The following RNF150 variants were observed in gnomAD, a reference collection of about 807,000 sequenced individuals.
RNF150 encodes the protein ring finger protein 150.
RNF150 carries 24 observed loss-of-function variants against 39.3 expected under a neutral mutation model. The observed-to-expected ratio is 0.61, with a 90% confidence interval of 0.44 to 0.86. The LOEUF (loss-of-function observed/expected upper bound fraction) is 0.86. RNF150 is among the 40% of genes least tolerant of loss of function. The probability of loss-of-function intolerance (pLI) is 0.00; values close to 1 mark genes in which losing one functional copy is unlikely to be tolerated. For missense variants in RNF150, 502 were observed against 587.8 expected, an observed-to-expected ratio of 0.85 and a Z score of 1.51; for synonymous variants, 255 against 227.3, an observed-to-expected ratio of 1.12 and a Z score of -1.10.
intron 1 of RNF150, among the ~76,000 whole-genome samples, chr4:140,968,522 C>T (rs966560744): frequency 3.3e-5 from 5 of 151,804 alleles, no homozygotes; most frequent in Admixed American, 2.0e-4. Flanking sequence ...CATGTTTCCA[C>T]TGAACCACGT....
chr4:141,054,927 T>C (rs1736912691), intron 1 of RNF150, among the ~76,000 whole-genome samples: 1 of 152,124 alleles, frequency 6.6e-6, no homozygotes, highest in South Asian at 2.1e-4. Flanking sequence ...AACAACAAAA[T>C]TGAGGTTAAA....
At chr4:141,098,351 G>A (rs1263809590) in intron 1 of RNF150, among the ~76,000 whole-genome samples, 2 of 152,210 alleles carry the variant, frequency 1.3e-5, no homozygotes, top group Admixed American at 6.5e-5. Context: ...GCTAGGGCAG[G>A]CCAGTCAGAC....
chr4:140,948,367 C>T (rs1354681511), intron 3 of RNF150, among the ~76,000 whole-genome samples: 2 of 151,994 alleles, frequency 1.3e-5, no homozygotes, highest in African/African-American at 4.8e-5. Context: ...AGAGACAATA[C>T]CTGCTTATAT....
intron 1 of RNF150, among the ~76,000 whole-genome samples, chr4:141,027,921 T>TTTTG (rs1735772938): frequency 1.7e-5 from 1 of 59,604 alleles, no homozygotes; most frequent in African/African-American, 6.8e-5. Context: ...TGTTTTTTTT[T>TTTTG]TTTTGTTTTT....
At chr4:141,092,072 A>C (rs148715735) in intron 1 of RNF150, among the ~76,000 whole-genome samples, 2 of 152,310 alleles carry the variant, frequency 1.3e-5, no homozygotes, top group East Asian at 3.9e-4. Flanking sequence ...GGCCAGGTGC[A>C]GTGGCTCATG....
intron 2 of RNF150, among the ~76,000 whole-genome samples, chr4:140,952,177 AT>A (rs543102998): frequency 1.3e-5 from 2 of 150,418 alleles, no homozygotes; most frequent in South Asian, 2.1e-4. Flanking sequence ...CGCCTGGCTG[AT>A]TTTTTTTTGT....
intron 1 of RNF150, among the ~76,000 whole-genome samples, chr4:141,045,560 T>A (rs1736543402): frequency 2.0e-5 from 3 of 152,132 alleles, no homozygotes; most frequent in African/African-American, 7.2e-5. Context: ...ATTTATTTTT[T>A]GAAACGGAGT....
At chr4:140,914,646 A>G (rs1730743320) in intron 5 of RNF150, among the ~76,000 whole-genome samples, 2 of 152,214 alleles carry the variant, frequency 1.3e-5, no homozygotes, top group Non-Finnish European at 1.5e-5. Flanking sequence ...GTATTCTGTC[A>G]TTCTATCAAG....
At chr4:140,879,944 A>G (rs906367663) in intron 6 of RNF150, among the ~76,000 whole-genome samples, 4 of 152,232 alleles carry the variant, frequency 2.6e-5, no homozygotes, top group African/African-American at 9.6e-5. Context: ...TTTTGTGAAC[A>G]GAGATAATTT....
chr4:141,128,925 C>G (rs1429889185), intron 1 of RNF150, among the ~76,000 whole-genome samples: 1 of 152,144 alleles, frequency 6.6e-6, no homozygotes, highest in African/African-American at 2.4e-5. Context: ...AATGAAGATG[C>G]CACTTCACAT....
At chr4:141,001,391 C>T (rs886173482) in intron 1 of RNF150, among the ~76,000 whole-genome samples, 1 of 151,956 alleles carries the variant, frequency 6.6e-6, no homozygotes, top group African/African-American at 2.4e-5. Flanking sequence ...TTCTCTACTC[C>T]TTTCTCTCCT....
At chr4:140,930,858 C>T (rs369964793) in intron 4 of RNF150, among the ~76,000 whole-genome samples, 1 of 152,176 alleles carries the variant, frequency 6.6e-6, no homozygotes, top group South Asian at 2.1e-4. Flanking sequence ...TAAGACAAGG[C>T]CCTGCCCTTT....
chr4:141,032,195 A>G (rs974001956), intron 1 of RNF150, among the ~76,000 whole-genome samples: 6 of 152,126 alleles, frequency 3.9e-5, no homozygotes, highest in African/African-American at 1.4e-4. Context: ...AAGGACAAAC[A>G]TTACATGACT....
chr4:140,976,743 A>G (rs1733678312), intron 1 of RNF150, among the ~76,000 whole-genome samples: 1 of 151,850 alleles, frequency 6.6e-6, no homozygotes, highest in Admixed American at 6.6e-5. Context: ...TTCTTAAAAT[A>G]CCCTTAGCTC....
chr4:141,046,944 C>T (rs570623043), intron 1 of RNF150, among the ~76,000 whole-genome samples: 10 of 152,128 alleles, frequency 6.6e-5, no homozygotes, highest in African/African-American at 2.2e-4. Context: ...ACTCCCTCCC[C>T]GACACACCAA....
At chr4:141,068,472 T>C (rs963900178) in intron 1 of RNF150, among the ~76,000 whole-genome samples, 9 of 152,156 alleles carry the variant, frequency 5.9e-5, no homozygotes, top group Non-Finnish European at 1.2e-4. Flanking sequence ...CCTTGTAGTA[T>C]AGTTTGAAGT....
intron 4 of RNF150, among the ~76,000 whole-genome samples, chr4:140,935,388 G>A (rs982435363): frequency 4.6e-5 from 7 of 151,928 alleles, no homozygotes; most frequent in Non-Finnish European, 7.4e-5. Flanking sequence ...TAATTATATC[G>A]TTTGGCTGGG....
At chr4:141,101,112 A>T (rs753268770) in intron 1 of RNF150, among the ~76,000 whole-genome samples, 2 of 152,216 alleles carry the variant, frequency 1.3e-5, no homozygotes, top group African/African-American at 4.8e-5. Context: ...CTCAGGCTAC[A>T]CTAAATTTAT....
chr4:140,872,643 A>T (rs1728992336), intron 6 of RNF150, among the ~76,000 whole-genome samples: 1 of 152,240 alleles, frequency 6.6e-6, no homozygotes, highest in Non-Finnish European at 1.5e-5. Context: ...TGGATGAAGG[A>T]TCTACAGGAA....
Sources: allele counts gnomAD v4.1 joint callset (sites outside exome capture counted in the v4.1 genomes callset), GRCh38; gene constraint gnomAD v4.1.1; transcripts MANE v1.5; gene names NCBI Gene and HGNC (gene_info 2026-07-23, HGNC 2026-07-21).